The following BICD1 variants were observed in gnomAD, a reference collection of about 807,000 sequenced individuals.
The protein encoded by BICD1 is protein bicaudal D homolog 1.
A neutral mutation model predicts 92.5 loss-of-function variants in BICD1; 35 were observed. The observed-to-expected ratio is 0.38, with a 90% CI of 0.29 to 0.50. The LOEUF is 0.50. Among genes scored for constraint, BICD1 ranks in the 20% least tolerant of loss-of-function variants. The pLI, the probability that BICD1 is intolerant of heterozygous loss-of-function variation, is 0.93. For missense variants in BICD1, 950 were observed against 1,189.8 expected (o/e 0.80, Z 2.97); for synonymous variants, 429 against 465.1 (o/e 0.92, Z 1.00).
intron 2 of BICD1, among the ~76,000 whole-genome samples, chr12:32,242,048 CAA>C (rs1283668248): frequency 6.7e-6 from 1 of 150,106 alleles, no homozygotes; most frequent in Non-Finnish European, 1.5e-5. Flanking sequence ...AACAAACAAA[CAA>C]ACAAAAAAAC....
intron 1 of BICD1, among the ~76,000 whole-genome samples, chr12:32,207,833 A>G (rs901788740): frequency 6.6e-6 from 1 of 152,196 alleles, no homozygotes; most frequent in Non-Finnish European, 1.5e-5. Context: ...ATGAGAAAAA[A>G]GATTCATCAG....
intron 9 of BICD1, among the ~76,000 whole-genome samples, chr12:32,369,485 C>G (rs1939649671): frequency 6.6e-6 from 1 of 152,254 alleles, no homozygotes; most frequent in African/African-American, 2.4e-5. Context: ...AGCCAGGGGA[C>G]CTGGGGTGCC....
intron 1 of BICD1, among the ~76,000 whole-genome samples, chr12:32,183,554 T>C (rs1944344271): frequency 6.6e-6 from 1 of 152,222 alleles, no homozygotes; most frequent in Admixed American, 6.5e-5. Context: ...CGTGAGCCAC[T>C]GTTCCCAGCC....
intron 3 of BICD1, among the ~76,000 whole-genome samples, chr12:32,295,171 A>AT (rs1300613398): frequency 1.3e-5 from 2 of 151,194 alleles, no homozygotes; most frequent in Admixed American, 6.6e-5. Flanking sequence ...CATTTAAATG[A>AT]TTTTTTTGCT....
rs1555145675 is a variant in BICD1 at position 32,198,330 on chromosome 12, C to CTATCTA, written c.214-17914_214-17913insCTATAT. On this transcript the variant is annotated intron_variant, in intron 1 of 9. Coordinates refer to ENST00000652176, the MANE Select transcript of BICD1 (RefSeq NM_001714.4). ...GATTATGGGAATAATATGCATCTAT[C>CTATCTA]TATATATATATATATATATATATTC... Among the ~76,000 whole-genome samples the CTATCTA allele has an allele frequency of 6.5e-3, 763 of 117,760 alleles. 18 individuals carry two copies. The highest frequency in any genetic ancestry group is 0.023 in the African/African-American group (730 of 31,068). The allele number at this position is 117,760 out of a possible 152,430, so 77.3% of individuals were successfully genotyped here. A position where few individuals can be genotyped will look rare whatever the true frequency, so the allele number is the denominator to read the frequency against.
At chr12:32,259,925 T>G (rs1946812493) in intron 2 of BICD1, among the ~76,000 whole-genome samples, 1 of 102,094 alleles carries the variant, frequency 9.8e-6, no homozygotes, top group South Asian at 3.4e-4. Flanking sequence ...CACTACACAC[T>G]TTTTTTTTTT....
chr12:32,313,824 AG>A lies in BICD1; in HGVS notation c.1005+7703del, dbSNP rs796825761. Among the ~76,000 whole-genome samples the A allele has an allele frequency of 6.6e-6, 1 of 151,704 alleles. No individual in the cohort carries two copies. The highest frequency in any genetic ancestry group is 1.5e-5 in the Non-Finnish European group (1 of 67,852). ...AACCCCATCTCTACCAAAAATACCCAGAAAAAATTAGCTGGGCACGGTGGTG... is the reference window on the plus strand; with the variant it reads ...AACCCCATCTCTACCAAAAATACCCAAAAAAATTAGCTGGGCACGGTGGTG... On this transcript the variant is annotated intron_variant, in intron 4 of 9. Transcript: ENST00000652176. This position sits in a 1 kb window ranked among gnomAD's most constrained non-coding sequence, Gnocchi z 4.2.
At chr12:32,282,218 T>C (rs879795293) in intron 2 of BICD1, among the ~76,000 whole-genome samples, 38,744 of 119,524 alleles carry the variant, frequency 0.32, 6,994 homozygotes, top group Non-Finnish European at 0.4. Context: ...TTTTTTTTTT[T>C]TTTTTTTTTT....
At chr12:32,165,410 G>A (rs1457158285) in intron 1 of BICD1, among the ~76,000 whole-genome samples, 1 of 152,128 alleles carries the variant, frequency 6.6e-6, no homozygotes, top group Non-Finnish European at 1.5e-5. Context: ...CAGCTACTCG[G>A]GATGTTGAGG....
chr12:32,177,682 A>ATTCTTTTTTTTTTTTTTTT (rs766041969), intron 1 of BICD1, among the ~76,000 whole-genome samples: 21 of 43,054 alleles, frequency 4.9e-4, no homozygotes, highest in Non-Finnish European at 7.0e-4. Flanking sequence ...AAGAAAACAC[A>ATTCTTTTTTTTTTTTTTTT]TTATTAAAGT....
rs1940181041 is a variant in BICD1, at chr12:32,381,582, T to C, written c.*3955T>C. The stretch of plus-strand genomic sequence containing the variant: ...ATCACAAAACATGAAAAGGAAGAAA[T>C]GAAATATCTTTTCTTCTGGGATGAG... On this transcript the variant is annotated 3_prime_UTR_variant, in exon 10 of 10. Coordinates refer to ENST00000652176, the MANE Select transcript of BICD1 (RefSeq NM_001714.4). The C allele has an allele frequency of 1.3e-5, 2 of 152,098 alleles. No homozygotes were observed. The highest frequency in any genetic ancestry group is 1.3e-4 in the Admixed American group (2 of 15,262). The allele number at this position is 152,098 out of a possible 1,614,324, so 9.4% of individuals were successfully genotyped here.
chr12:32,125,912 G>A (rs1031365326), intron 1 of BICD1, among the ~76,000 whole-genome samples: 16 of 151,794 alleles, frequency 1.1e-4, no homozygotes, highest in Non-Finnish European at 2.9e-5. Flanking sequence ...AGGCAGACAT[G>A]GTGGCACACA....
rs1033924694 is a variant in BICD1 at position 32,107,194 on chromosome 12, T to G, written c.-138T>G. On this transcript the variant is annotated 5_prime_UTR_variant, in exon 1 of 10. Transcript: ENST00000652176. ...CGCTGCCACCAGAGCCGGCGGGGCATCGCGCTGCTCATTCATCCGGCCGCA... is the reference window on the plus strand; with the variant it reads ...CGCTGCCACCAGAGCCGGCGGGGCAGCGCGCTGCTCATTCATCCGGCCGCA... 3 of 819,370 alleles carry G rather than the reference T, an allele frequency of 3.7e-6. No individual in the cohort carries two copies. Among genetic ancestry groups the G allele is most frequent in the African/African-American group, 3.5e-5 (2 of 57,656 alleles). 50.8% of individuals were successfully genotyped at this position (819,370 alleles called of 1,614,324 possible). A position where few individuals can be genotyped will look rare whatever the true frequency, so the allele number is the denominator to read the frequency against.
chr12:32,324,522 T>G (rs1687918193), intron 4 of BICD1, among the ~76,000 whole-genome samples: 1 of 152,132 alleles, frequency 6.6e-6, no homozygotes, highest in Admixed American at 6.6e-5. Context: ...CCAGCATCAC[T>G]TCCTCTTCGA....
chr12:32,357,096 C>G (rs1385461182), intron 8 of BICD1, among the ~76,000 whole-genome samples: 4 of 151,176 alleles, frequency 2.6e-5, no homozygotes, highest in Non-Finnish European at 5.9e-5. Context: ...ATTGCAACCT[C>G]CACCCCCCGG....
At chr12:32,110,753 C>T (rs769290519) in intron 1 of BICD1, among the ~76,000 whole-genome samples, 10 of 146,454 alleles carry the variant, frequency 6.8e-5, no homozygotes, top group Non-Finnish European at 1.2e-4. Flanking sequence ...TTTTTTACAC[C>T]GCATGTTCTC....
At chr12:32,367,541 G>T in intron 8 of BICD1, 129 bp from the exon 9 acceptor site, 7 of 719,412 alleles carry the variant, frequency 9.7e-6, no homozygotes, top group Non-Finnish European at 1.3e-5. Flanking sequence ...AAAAAAAGCT[G>T]AATCAGGATA....
At chr12:32,271,059 C>T (rs1395136539) in intron 2 of BICD1, among the ~76,000 whole-genome samples, 2 of 152,190 alleles carry the variant, frequency 1.3e-5, no homozygotes. Flanking sequence ...AGAAGATGCT[C>T]ACACTTTCCA....
chr12:32,230,577 G>A (rs1945853288), intron 2 of BICD1, among the ~76,000 whole-genome samples: 1 of 152,166 alleles, frequency 6.6e-6, no homozygotes, highest in African/African-American at 2.4e-5. Context: ...ATGAGTTGGT[G>A]TTTGCTACAT....
Sources: allele counts gnomAD v4.1 joint callset (sites outside exome capture counted in the v4.1 genomes callset), GRCh38; gene constraint gnomAD v4.1.1; non-coding constraint Gnocchi (gnomAD v3.1); transcripts MANE v1.5; gene names NCBI Gene and HGNC (gene_info 2026-07-23, HGNC 2026-07-21).